Variants in DMKN observed in about 807,000 individuals in gnomAD.
The protein encoded by DMKN is dermokine.
A neutral mutation model predicts 67.6 loss-of-function variants in DMKN; 58 were observed. The observed-to-expected ratio is 0.86, with a 90% CI of 0.69 to 1.07. DMKN has a LOEUF of 1.07. Among genes scored for constraint, DMKN ranks in the 50% least tolerant of loss-of-function variants. The pLI is 0.00. For missense variants in DMKN, 596 were observed against 601.5 expected, an observed-to-expected ratio of 0.99 and a Z score of 0.10; for synonymous variants, 240 against 232.3, an observed-to-expected ratio of 1.03 and a Z score of -0.30.
At chr19:35,510,119 G>C (rs539562040) in intron 6 of DMKN, 65 bp downstream of exon 6, 20 of 1,565,876 alleles carry the variant, frequency 1.3e-5, no homozygotes, top group Non-Finnish European at 1.5e-5. Flanking sequence ...CCGATCCTGC[G>C]AGTGAAACCA....
chr19:35,508,844 G>A (rs2070127596), intron 7 of DMKN, among the ~76,000 whole-genome samples: 1 of 152,116 alleles, frequency 6.6e-6, no homozygotes, highest in Admixed American at 6.5e-5. Context: ...CCTTAAAGCG[G>A]TACACCAAGA....
chr19:35,511,498 G>A lies in DMKN; in HGVS notation c.831C>T (p.Ser277=), dbSNP rs902721988. Residue 277 remains serine (S), a synonymous_variant, in exon 5 of 16, where the codon AGC becomes AGT. Transcript: ENST00000339686. ...TGCTGCCGCCACTGCTGCCGCCACT[G>A]CTGCTGCCACTGCTGCTGCCACCAC... ...SSSGGSSSGS[S]SGGSSGGSSG... 1.4e-5 allele frequency: 15 copies of A among 1,080,090 alleles called. No individual in the cohort carries two copies. Among genetic ancestry groups the A allele is most frequent in the African/African-American group, 3.9e-5 (2 of 51,694 alleles). 66.9% of individuals were successfully genotyped at this position (1,080,090 alleles called of 1,614,324 possible).
In DMKN at chr19:35,513,032, A is replaced by G. The variant is rs74342103; in HGVS notation, c.426+18T>C. ...CCCACAGCCTCCCATTTCCACATGCAGCCCCACAGCCACTCACCCAAGCAC... is the reference window on the plus strand; with the variant it reads ...CCCACAGCCTCCCATTTCCACATGCGGCCCCACAGCCACTCACCCAAGCAC... On this transcript the variant is annotated intron_variant, in intron 1 of 15. Transcript: ENST00000339686. The G allele has an allele frequency of 3.7e-5, 59 of 1,610,620 alleles. No homozygotes were observed. Among genetic ancestry groups the G allele is most frequent in the Non-Finnish European group, 4.8e-5 (56 of 1,178,392 alleles).
intron 9 of DMKN, 90 bp from the exon 10 acceptor site, chr19:35,502,976 G>C: frequency 1.5e-6 from 2 of 1,368,814 alleles, no homozygotes; most frequent in Non-Finnish European, 2.0e-6. Flanking sequence ...TCAACCTTCA[G>C]AATGTCATTG....
chr19:35,511,497 T>C lies in DMKN; in HGVS notation c.832A>G (p.Ser278Gly), dbSNP rs144877871. ...SSGGSSSGSS[S>G]GGSSGGSSGG... The stretch of plus-strand genomic sequence containing the variant: ...CTGCTGCCGCCACTGCTGCCGCCAC[T>C]GCTGCTGCCACTGCTGCTGCCACCA... The change falls in exon 5 of 16, where the codon AGT becomes GGT. Residue 278 changes from serine (S) to glycine (G), a missense_variant. Ser to Gly is a moderately conservative substitution (Grantham distance 56). Coordinates refer to ENST00000339686, the MANE Select transcript of DMKN (RefSeq NM_033317.5). 15 of 1,079,230 alleles carry C rather than the reference T, an allele frequency of 1.4e-5. No homozygotes were observed. The highest frequency in any genetic ancestry group is 3.9e-5 in the African/African-American group (2 of 51,570). 66.9% of individuals were successfully genotyped at this position (1,079,230 alleles called of 1,614,324 possible). A position where few individuals can be genotyped will look rare whatever the true frequency, so the allele number is the denominator to read the frequency against.
In DMKN at chr19:35,511,879, A is replaced by T. The variant is rs1317116146; in HGVS notation, c.685-66T>A. On this transcript the variant is annotated intron_variant, in intron 3 of 15. Transcript: ENST00000339686. ...TTGGAGACGTTGGCCTCGGCCATGG[A>T]CACAGGCCAGGCCTCTCCCATTCTT... 8 of 1,523,398 alleles carry T rather than the reference A, an allele frequency of 5.3e-6. No individual in the cohort carries two copies. The Middle Eastern group carries it at 8.6e-4, about 164-fold the overall frequency. The allele number at this position is 1,523,398 out of a possible 1,614,324, so 94.4% of individuals were successfully genotyped here.
rs2068630183 is a variant in DMKN at position 35,502,712 on chromosome 19, A to G, written c.1191+118T>C. ...AGAGCGAGACTCTGTCTCAAAAAAAAAAAGGGGGGGAGTTTTGAAACAGGT... is the reference window on the plus strand; with the variant it reads ...AGAGCGAGACTCTGTCTCAAAAAAAGAAAGGGGGGGAGTTTTGAAACAGGT... On this transcript the variant is annotated intron_variant, in intron 10 of 15. Transcript: ENST00000339686. 1.1e-5 allele frequency: 11 copies of G among 1,047,190 alleles called. No individual in the cohort carries two copies. The South Asian group carries it at 1.2e-4, about 12-fold the overall frequency. The allele number at this position is 1,047,190 out of a possible 1,614,324, so 64.9% of individuals were successfully genotyped here.
intron 11 of DMKN, among the ~76,000 whole-genome samples, chr19:35,501,143 A>G (rs181395256): frequency 6.6e-6 from 1 of 152,226 alleles, no homozygotes; most frequent in Non-Finnish European, 1.5e-5. Context: ...GCAAGAGGAG[A>G]AACTCTAAGC....
chr19:35,498,869 C>T lies in DMKN; in HGVS notation c.1383+5G>A, dbSNP rs2067896381. On this transcript the variant is annotated splice_donor_5th_base_variant and intron_variant, in intron 14 of 15. Transcript: ENST00000339686. ...GCCAGATGAAGATCAGGCCCCCATA[C>T]TCACCGAGGAAGAAGGTGAGACTCC... The T allele has an allele frequency of 7.4e-6, 12 of 1,614,184 alleles. No homozygotes were observed. The highest frequency in any genetic ancestry group is 1.0e-5 in the Non-Finnish European group (12 of 1,180,038).
At chr19:35,512,088 C>T (rs1002887187) in intron 3 of DMKN, among the ~76,000 whole-genome samples, 1 of 150,992 alleles carries the variant, frequency 6.6e-6, no homozygotes, top group African/African-American at 2.4e-5. Context: ...ACCTCCATCT[C>T]CCAGGTTCAA....
At position 35,509,279 on chromosome 19, in the gene DMKN, A is replaced by G. The variant is rs138853439; in HGVS notation, c.1038+632T>C. On this transcript the variant is annotated intron_variant, in intron 7 of 15. Transcript: ENST00000339686. ...TACAAATGGGAAGAAATTTTTTTTT[A>G]AAAAAACCAGTTTGTTCCCATAAAA... is the stretch of plus-strand genomic sequence containing the variant. 2.6e-3 allele frequency among the ~76,000 whole-genome samples: 403 copies of G among 152,104 alleles called. 1 individual carries two copies. The highest frequency in any genetic ancestry group is 3.7e-3 in the Non-Finnish European group (252 of 67,974).
At position 35,510,215 on chromosome 19, in the gene DMKN, C is replaced by G; in HGVS notation, c.956G>C (p.Gly319Ala). 6.2e-7 allele frequency: 1 copy of G among 1,609,438 alleles called. No individual in the cohort carries two copies. The highest frequency in any genetic ancestry group is 2.2e-5 in the East Asian group (1 of 44,642). The change falls in exon 6 of 16, where the codon GGG (glycine) becomes GCG (alanine). Residue 319 changes from glycine (G) to alanine (A), a missense_variant. Physicochemically the swap from Gly to Ala is moderately conservative, Grantham distance 60 (BLOSUM62 0). Coordinates refer to ENST00000339686, the MANE Select transcript of DMKN (RefSeq NM_033317.5). ...STGSSSGNHG[G>A]SGGGNGHKPG... is the part of the protein sequence containing the mutation. ...TTTATGTCCATTTCCTCCGCCGCTC[C>G]CACCGTGGTTGCCGGAGGAGGAGCC...
chr19:35,509,818 G>T, intron 7 of DMKN, 93 bp downstream of exon 7: 1 of 1,439,738 alleles, frequency 6.9e-7, no homozygotes, highest in Non-Finnish European at 9.6e-7. Flanking sequence ...GACAAGGCAG[G>T]AGGGGGTTGA....
At chr19:35,509,985 CTT>C (rs2070415166) in intron 6 of DMKN, 24 bp from the exon 7 acceptor site, 1 of 1,613,988 alleles carries the variant, frequency 6.2e-7, no homozygotes, top group Non-Finnish European at 8.5e-7. Flanking sequence ...AAAGGGGAGA[CTT>C]TCCCTCAGTC....
intron 7 of DMKN, chr19:35,506,691 G>C (rs926368331): frequency 2.1e-5 from 8 of 372,418 alleles, no homozygotes; most frequent in Non-Finnish European, 3.8e-5. Flanking sequence ...TGACATGATA[G>C]AGCTGGTGGT....
chr19:35,507,335 C>G, intron 7 of DMKN: 1 of 926,472 alleles, frequency 1.1e-6, no homozygotes, highest in South Asian at 1.7e-5. Flanking sequence ...TCTTGATGGT[C>G]ACTGGACGCA....
rs780924692 is a variant in DMKN, at chr19:35,511,511, C to CTGCTGCCACTGG, written c.817_818insCCAGTGGCAGCA (p.Ser272_Ser273insThrSerGlySer). ...GCTGCCGCCACTGCTGCTGCCACTG[C>CTGCTGCCACTGG]TGCTGCCACCACTGCTGCTGCCATT... On this transcript the variant is annotated inframe_insertion, in exon 5 of 16. Coordinates refer to ENST00000339686, the MANE Select transcript of DMKN (RefSeq NM_033317.5). 6.6e-7 allele frequency: 1 copy of CTGCTGCCACTGG among 1,512,374 alleles called. No homozygotes were observed. The highest frequency in any genetic ancestry group is 1.5e-5 in the African/African-American group (1 of 66,178). 93.7% of individuals were successfully genotyped at this position (1,512,374 alleles called of 1,614,324 possible). A position where few individuals can be genotyped will look rare whatever the true frequency, so the allele number is the denominator to read the frequency against.
In DMKN at chr19:35,511,760, C is replaced by A. The variant is rs1187473939; in HGVS notation, c.735+3G>T. ...AACTCCTGGGTTGCCCCTCTCCACT[C>A]ACCCCAGAGTTGCTGGAGCCTCCAC... On this transcript the variant is annotated splice_donor_region_variant and intron_variant, in intron 4 of 15. Coordinates refer to ENST00000339686, the MANE Select transcript of DMKN (RefSeq NM_033317.5). 1 of 1,612,674 alleles carries A rather than the reference C, an allele frequency of 6.2e-7. No homozygotes were observed. The highest frequency in any genetic ancestry group is 8.5e-7 in the Non-Finnish European group (1 of 1,179,138).
intron 13 of DMKN, 73 bp downstream of exon 13, chr19:35,499,885 G>T: frequency 6.5e-7 from 1 of 1,540,746 alleles, no homozygotes; most frequent in Non-Finnish European, 9.0e-7. Flanking sequence ...AGAGGACCCC[G>T]GCAGTGAAAG....
Sources: allele counts gnomAD v4.1 joint callset (sites outside exome capture counted in the v4.1 genomes callset), GRCh38; gene constraint gnomAD v4.1.1; transcripts MANE v1.5; gene names NCBI Gene and HGNC (gene_info 2026-07-23, HGNC 2026-07-21).